SEC23B: variants seen among roughly 807,000 people sequenced by gnomAD.
The protein encoded by SEC23B is protein transport protein Sec23B.
In SEC23B, 77 loss-of-function variants were observed where a neutral mutation model predicts 104.3. The observed-to-expected ratio is 0.74, with a 90% CI of 0.61 to 0.89. The LOEUF (loss-of-function observed/expected upper bound fraction) is 0.89, where lower values mean the gene tolerates loss of function less well. SEC23B is among the 40% of genes least tolerant of loss of function. SEC23B has a pLI of 0.00. For synonymous variants in SEC23B, 338 were observed against 332.5 expected (o/e 1.02, Z -0.18); for missense variants, 885 against 949.4 (o/e 0.93, Z 0.89).
At chr20:18,509,915 A>G (rs1170037173) in intron 1 of SEC23B, 3 of 152,216 alleles carry the variant, frequency 2.0e-5, no homozygotes, top group African/African-American at 7.2e-5. Flanking sequence ...GCATGAACAT[A>G]AGCAACCGTG....
chr20:18,561,016 T>C lies in SEC23B; in HGVS notation c.*276T>C, dbSNP rs1226681936. On this transcript the variant is annotated 3_prime_UTR_variant, in exon 20 of 20. Coordinates refer to ENST00000650089, the MANE Select transcript of SEC23B (RefSeq NM_006363.6). ...AATCTAAATAAAATCAGAGGTAATG[T>C]ATTTTGGCAGCTTGTTTAGGTGAGA... The C allele has an allele frequency of 9.6e-6, 4 of 415,822 alleles. No homozygotes were observed. Among genetic ancestry groups the C allele is most frequent in the African/African-American group, 6.1e-5 (3 of 49,254 alleles). The allele number at this position is 415,822 out of a possible 1,614,324, so 25.8% of individuals were successfully genotyped here.
At chr20:18,533,648 A>C (rs192109687) in intron 11 of SEC23B, among the ~76,000 whole-genome samples, 178 of 152,308 alleles carry the variant, frequency 1.2e-3, no homozygotes, top group Middle Eastern at 3.4e-3. Flanking sequence ...TGTTGTCAGC[A>C]ACAAACGTTC....
intron 15 of SEC23B, among the ~76,000 whole-genome samples, chr20:18,547,288 G>A (rs1412826831): frequency 6.6e-6 from 1 of 152,020 alleles, no homozygotes; most frequent in Non-Finnish European, 1.5e-5. Context: ...AACTAGGGAT[G>A]GTAAGAGAAC....
rs897484229 is a variant in SEC23B, at chr20:18,526,846, G to A, written c.993+315G>A. ...TGTAATCCCAGCGCTTTGGGAGGCC[G>A]AGGCTGGCAGATCACTTCAGGTCAG... On this transcript the variant is annotated intron_variant, in intron 8 of 19. Transcript: ENST00000650089. Among the ~76,000 whole-genome samples the A allele has an allele frequency of 5.3e-5, 8 of 152,188 alleles. No homozygotes were observed. In the East Asian group the frequency reaches 1.2e-3, roughly 22 times the overall value.
chr20:18,513,566 G>A (rs114848319), intron 3 of SEC23B, among the ~76,000 whole-genome samples: 2,210 of 152,156 alleles, frequency 0.015, 38 homozygotes, highest in African/African-American at 0.04. Flanking sequence ...ACATGCATTC[G>A]TTCATATATT....
At chr20:18,511,195 C>T (rs2059979237) in intron 2 of SEC23B, 139 bp downstream of exon 2, 7 of 710,786 alleles carry the variant, frequency 9.8e-6, no homozygotes, top group Non-Finnish European at 1.3e-5. Flanking sequence ...CTAAACGATT[C>T]TTGTGGTGAG....
intron 14 of SEC23B, among the ~76,000 whole-genome samples, chr20:18,545,471 G>A (rs1359001790): frequency 6.6e-6 from 1 of 152,210 alleles, no homozygotes; most frequent in East Asian, 1.9e-4. Context: ...TTCTTTAAAT[G>A]ATGAACAGTC....
chr20:18,530,448 T>C (rs2060173540), intron 9 of SEC23B, among the ~76,000 whole-genome samples: 1 of 152,148 alleles, frequency 6.6e-6, no homozygotes, highest in Non-Finnish European at 1.5e-5. Flanking sequence ...TTGGCTAGGC[T>C]GGTCTTGAAC....
intron 18 of SEC23B, 54 bp from the exon 19 acceptor site, chr20:18,555,054 A>G (rs2060423204): frequency 1.3e-6 from 2 of 1,506,636 alleles, no homozygotes; most frequent in Admixed American, 3.4e-5. Context: ...TGTTACATTA[A>G]TATTAATGTC....
chr20:18,559,037 C>T (rs1282206664), intron 19 of SEC23B, among the ~76,000 whole-genome samples: 5 of 130,990 alleles, frequency 3.8e-5, no homozygotes, highest in Admixed American at 9.0e-5. Flanking sequence ...TGCTACTTTT[C>T]GCTGATTTTT....
At chr20:18,526,802 A>T (rs1322396657) in intron 8 of SEC23B, among the ~76,000 whole-genome samples, 1 of 152,212 alleles carries the variant, frequency 6.6e-6, no homozygotes, top group Non-Finnish European at 1.5e-5. Context: ...TTTCCAGGCC[A>T]GTCCCGGTGG....
chr20:18,549,509 C>T (rs1162350153), intron 16 of SEC23B, among the ~76,000 whole-genome samples: 2 of 150,998 alleles, frequency 1.3e-5, no homozygotes, highest in African/African-American at 2.4e-5. Flanking sequence ...TGGAACCCAC[C>T]GATACGGAGG....
chr20:18,554,405 T>TTAGAG lies in SEC23B; in HGVS notation c.2148+16_2148+17insAGAGT. On this transcript the variant is annotated intron_variant, in intron 18 of 19. Coordinates refer to ENST00000650089, the MANE Select transcript of SEC23B (RefSeq NM_006363.6). ...GAGGCAGTCAGGTGAGTGAGCTGAGTTCTAACTCCAGTGGTTTGTTCGTTT... is the reference window on the plus strand; with the variant it reads ...GAGGCAGTCAGGTGAGTGAGCTGAGTTAGAGTCTAACTCCAGTGGTTTGTTCGTTT... 2 of 1,614,018 alleles carry TTAGAG rather than the reference T, an allele frequency of 1.2e-6. No individual in the cohort carries two copies. The highest frequency in any genetic ancestry group is 3.3e-5 in the Admixed American group (2 of 60,026).
At position 18,537,598 on chromosome 20, in the gene SEC23B, A is replaced by T. The variant is rs528998289; in HGVS notation, c.1404+1856A>T. On this transcript the variant is annotated intron_variant, in intron 12 of 19. Transcript: ENST00000650089. ...CTGGGGACTGTTGTGGGGTGGGGGAAGGGGGGAGGAATAACATTAGGAGAT... is the reference window on the plus strand; with the variant it reads ...CTGGGGACTGTTGTGGGGTGGGGGATGGGGGGAGGAATAACATTAGGAGAT... Among the ~76,000 whole-genome samples, 14 of 151,888 alleles carry T rather than the reference A, an allele frequency of 9.2e-5. No individual in the cohort carries two copies. In the East Asian group the frequency reaches 2.5e-3, roughly 28 times the overall value.
chr20:18,524,935 G>T lies in SEC23B; in HGVS notation c.604G>T (p.Asp202Tyr). 2 of 1,612,746 alleles carry T rather than the reference G, an allele frequency of 1.2e-6. No homozygotes were observed. The change falls in exon 6 of 20, where the codon GAT (aspartate) becomes TAT (tyrosine). Residue 202 changes from aspartate (D) to tyrosine (Y), a missense_variant and splice_region_variant. Coordinates refer to ENST00000650089, the MANE Select transcript of SEC23B (RefSeq NM_006363.6). ...TCTTTTTGGCTTTTTTTTTTTTAAG[G>T]ATATGTTGGGCCTGACCAAGCCAGC... is the stretch of plus-strand genomic sequence containing the variant. The part of the protein sequence containing the change: ...TKDLTAKQIQ[D>Y]MLGLTKPAMP...
At chr20:18,521,682 T>A (rs1364296708) in intron 4 of SEC23B, among the ~76,000 whole-genome samples, 2 of 152,006 alleles carry the variant, frequency 1.3e-5, no homozygotes, top group Middle Eastern at 3.4e-3. Flanking sequence ...TAGCTTGGCC[T>A]GGTGAGGAGC....
chr20:18,511,017 G>T lies in SEC23B; in HGVS notation c.182G>T (p.Cys61Phe). ...CCTGTACAATATGAACCTGTGCTTT[G>T]CAGCAGGCCAACTTGTAAAGCTGTT... ...LPPVQYEPVL[C>F]SRPTCKAVLN... The change falls in exon 2 of 20, where the codon TGC (cysteine) becomes TTC (phenylalanine). Residue 61 changes from cysteine (C) to phenylalanine (F), a missense_variant. Coordinates refer to ENST00000650089, the MANE Select transcript of SEC23B (RefSeq NM_006363.6). The T allele has an allele frequency of 6.2e-7, 1 of 1,614,164 alleles. No individual in the cohort carries two copies. The highest frequency in any genetic ancestry group is 8.5e-7 in the Non-Finnish European group (1 of 1,180,016).
chr20:18,542,261 T>C, intron 12 of SEC23B, 35 bp from the exon 13 acceptor site: 1 of 1,578,394 alleles, frequency 6.3e-7, no homozygotes, highest in Non-Finnish European at 8.7e-7. Flanking sequence ...GAGTTGCGCC[T>C]ATAACAGACA....
At chr20:18,509,327 A>G (rs997738792) in intron 1 of SEC23B, among the ~76,000 whole-genome samples, 15 of 152,194 alleles carry the variant, frequency 9.9e-5, no homozygotes, top group African/African-American at 3.6e-4. Context: ...CTTAATCAAA[A>G]TTATTTACAG....
Sources: gnomAD v4.1 joint callset for allele counts (sites outside exome capture counted in the v4.1 genomes callset) on GRCh38, gnomAD v4.1.1 for gene constraint, MANE v1.5 for transcripts, NCBI Gene and HGNC (gene_info 2026-07-23, HGNC 2026-07-21) for gene names.